Variants in EMC1 observed in about 807,000 individuals in gnomAD.
The protein encoded by EMC1 is ER membrane protein complex subunit 1, also known as KIAA0090.
Under a neutral mutation model 128.8 loss-of-function variants are expected in EMC1, and 103 were observed. The ratio of observed to expected loss-of-function variants is 0.80; its 90% CI spans 0.68 to 0.94. The LOEUF is 0.94. EMC1 is among the 40% of genes least tolerant of loss of function. The probability of loss-of-function intolerance (pLI) is 0.00; values close to 1 mark genes in which losing one functional copy is unlikely to be tolerated. For missense variants in EMC1, 1,083 were observed against 1,250.6 expected (o/e 0.87, Z 2.02); for synonymous variants, 442 against 490.4 (o/e 0.90, Z 1.30).
chr1:19,223,428 C>G lies in EMC1; in HGVS notation c.2344G>C (p.Val782Leu). The G allele has an allele frequency of 6.2e-7, 1 of 1,614,184 alleles. No individual in the cohort carries two copies. Residue 782 changes from valine (V) to leucine (L), a missense_variant, in exon 19 of 23, where the codon GTC becomes CTC. By Grantham distance (32) the Val-to-Leu change is conservative. This residue lies in a region of EMC1 where 527 missense variants were observed against 644.1 expected (regional missense o/e 0.82). Coordinates refer to ENST00000477853, the MANE Select transcript of EMC1 (RefSeq NM_015047.3). The part of the protein sequence containing the change: ...SSVQKKAKGP[V>L]HIVHSENWVV... ...CAGTTCTCTGAATGCACGATATGGACAGGGCCTTTGGCTTTCTTCTGCACA... is the reference window on the plus strand; with the variant it reads ...CAGTTCTCTGAATGCACGATATGGAGAGGGCCTTTGGCTTTCTTCTGCACA...
At position 19,243,997 on chromosome 1, in the gene EMC1, T is replaced by C; in HGVS notation, c.239A>G (p.Lys80Arg). ...ATCCACAGCCCCTTCTGCCGTGCCC[T>C]TGTCAACATGGCGCCACACTGAGAG... ...TGEILWRHVDKGTAEGAVDAM... is the reference protein window; with the variant it reads ...TGEILWRHVDRGTAEGAVDAM... The change falls in exon 3 of 23, where the codon AAG becomes AGG. Residue 80 changes from lysine to arginine, a missense_variant. By Grantham distance (26) the Lys-to-Arg change is conservative. Transcript: ENST00000477853. The C allele has an allele frequency of 6.2e-7, 1 of 1,614,090 alleles. No individual in the cohort carries two copies. The highest frequency in any genetic ancestry group is 8.5e-7 in the Non-Finnish European group (1 of 1,180,016).
chr1:19,240,048 CT>C (rs1404984843), intron 7 of EMC1, 63 bp from the exon 8 acceptor site: 1 of 1,498,252 alleles, frequency 6.7e-7, no homozygotes, highest in African/African-American at 1.4e-5. Flanking sequence ...CCATCCCAGG[CT>C]CACAACCTCT....
chr1:19,222,857 C>T (rs1237021857), intron 19 of EMC1, 23 bp from the exon 20 acceptor site: 25 of 1,568,244 alleles, frequency 1.6e-5, no homozygotes, highest in Non-Finnish European at 2.2e-5. Flanking sequence ...GAGGTGGCAG[C>T]TCAGGGCTTA....
Position 19,238,006 on chromosome 1 carries a change from C to T in EMC1, c.1212+11G>A. The stretch of plus-strand genomic sequence containing the variant: ...CCACAGGACAGTCTGCAAAGAAAGG[C>T]TCTGCCTTACCCGCTCAGGCCGAGT... On this transcript the variant is annotated intron_variant, in intron 11 of 22. Coordinates refer to ENST00000477853, the MANE Select transcript of EMC1 (RefSeq NM_015047.3). 1 of 1,612,564 alleles carries T rather than the reference C, an allele frequency of 6.2e-7. No homozygotes were observed. The highest frequency in any genetic ancestry group is 8.5e-7 in the Non-Finnish European group (1 of 1,179,376).
chr1:19,223,754 C>T (rs2093449968), intron 18 of EMC1, among the ~76,000 whole-genome samples, 185 bp from the exon 19 acceptor site: 1 of 152,178 alleles, frequency 6.6e-6, no homozygotes, highest in Non-Finnish European at 1.5e-5. Context: ...TACTGGGTGC[C>T]ATGCCAGGTA....
intron 21 of EMC1, 107 bp from the exon 22 acceptor site, chr1:19,219,805 A>T (rs2093417654): frequency 7.6e-7 from 1 of 1,311,858 alleles, no homozygotes; most frequent in Non-Finnish European, 1.1e-6. Context: ...TCTAGCCTCA[A>T]ATCTCCTAGG....
Position 19,235,203 on chromosome 1 carries a change from C to T in EMC1, c.1359G>A (p.Val453=), listed in dbSNP as rs751244151. Residue 453 remains valine (V), a synonymous_variant, in exon 13 of 23, where the codon GTG becomes GTA. Coordinates refer to ENST00000477853, the MANE Select transcript of EMC1 (RefSeq NM_015047.3). ...WSREESLAEV[V]CLEMVDLPLT... is the part of the protein sequence containing the mutation. ...GGGGGAGGTCCACCATCTCTAGGCA[C>T]ACCACTTCTGCCAGGGACTCCTCAC... 12 of 1,613,942 alleles carry T rather than the reference C, an allele frequency of 7.4e-6. No individual in the cohort carries two copies. The South Asian group carries it at 1.3e-4, about 18-fold the overall frequency.
At chr1:19,227,041 C>A (rs999741071) in intron 18 of EMC1, among the ~76,000 whole-genome samples, 53 of 150,228 alleles carry the variant, frequency 3.5e-4, no homozygotes, top group African/African-American at 1.0e-3. Context: ...AACAAACAAA[C>A]AAAAAAAAAG....
chr1:19,219,197 G>A lies in EMC1; in HGVS notation c.*106C>T. 2.7e-6 allele frequency: 3 copies of A among 1,107,112 alleles called. No individual in the cohort carries two copies. Among genetic ancestry groups the A allele is most frequent in the African/African-American group, 1.5e-5 (1 of 65,146 alleles). 68.6% of individuals were successfully genotyped at this position (1,107,112 alleles called of 1,614,324 possible). On this transcript the variant is annotated 3_prime_UTR_variant, in exon 23 of 23. Coordinates refer to ENST00000477853, the MANE Select transcript of EMC1 (RefSeq NM_015047.3). The stretch of plus-strand genomic sequence containing the variant: ...CATCTTCCCTACAGTTCTTAGCTGA[G>A]CACTGACACACACACATACTCCACC...
At chr1:19,224,202 C>G (rs561241335) in intron 18 of EMC1, among the ~76,000 whole-genome samples, 27 of 152,314 alleles carry the variant, frequency 1.8e-4, no homozygotes, top group African/African-American at 6.5e-4. Flanking sequence ...GCTCTCAAGC[C>G]TTGAGCATTT....
chr1:19,248,120 T>C (rs1034540952), intron 1 of EMC1, among the ~76,000 whole-genome samples: 19 of 152,068 alleles, frequency 1.2e-4, no homozygotes, highest in African/African-American at 4.3e-4. Context: ...TAAGACAGTA[T>C]GTGGAGGTGG....
At chr1:19,231,213 CA>C (rs1163351161) in intron 16 of EMC1, 47 bp downstream of exon 16, 3 of 1,547,952 alleles carry the variant, frequency 1.9e-6, no homozygotes, top group Non-Finnish European at 2.6e-6. Flanking sequence ...CACCTGGCCC[CA>C]AACCGGACTC....
intron 1 of EMC1, among the ~76,000 whole-genome samples, chr1:19,247,789 C>G (rs774454212): frequency 1.3e-5 from 2 of 152,132 alleles, no homozygotes; most frequent in African/African-American, 4.8e-5. Flanking sequence ...CTTTGGGAGG[C>G]GGAGGCGAGC....
At chr1:19,231,133 G>C (rs938485281) in intron 16 of EMC1, 128 bp downstream of exon 16, 2 of 1,322,966 alleles carry the variant, frequency 1.5e-6, no homozygotes, top group African/African-American at 2.9e-5. Flanking sequence ...ATTTCTCTTC[G>C]GGATGGCCTT....
In EMC1 at chr1:19,239,902, C is replaced by T. The variant is rs1203968629; in HGVS notation, c.870G>A (p.Gln290=). 1 of 1,614,022 alleles carries T rather than the reference C, an allele frequency of 6.2e-7. No homozygotes were observed. Among genetic ancestry groups the T allele is most frequent in the African/African-American group, 1.3e-5 (1 of 74,920 alleles). The change falls in exon 8 of 23, where the codon CAG becomes CAA. Residue 290 remains glutamine, a synonymous_variant. Transcript: ENST00000477853. ...QPNPVDASRA[Q]FFLHLSPSHY... ...GGCTTGGGGACAAGTGCAGGAAGAA[C>T]TGGGCCCGGGAAGCGTCCACTGGGT...
At chr1:19,245,088 G>A in intron 1 of EMC1, 58 bp from the exon 2 acceptor site, 1 of 1,590,406 alleles carries the variant, frequency 6.3e-7, no homozygotes, top group Non-Finnish European at 8.6e-7. Flanking sequence ...TCCACAAAAT[G>A]CTCCGGAAAA....
rs78562527 is a variant in EMC1 at position 19,230,669 on chromosome 1, C to A, written c.2064+175G>T. Among the ~76,000 whole-genome samples, 2,978 of 152,230 alleles carry A rather than the reference C, an allele frequency of 0.02. 41 individuals carry two copies. Among genetic ancestry groups the A allele is most frequent in the South Asian group, 0.053 (255 of 4,816 alleles). On this transcript the variant is annotated intron_variant, in intron 17 of 22. Coordinates refer to ENST00000477853, the MANE Select transcript of EMC1 (RefSeq NM_015047.3). ...TCCACAGCACCTAGAACCGTATCTG[C>A]CATGTAGTAGCTGCCCAACAAATAT...
At chr1:19,230,339 G>A (rs2093510531) in intron 17 of EMC1, among the ~76,000 whole-genome samples, 1 of 152,198 alleles carries the variant, frequency 6.6e-6, no homozygotes, top group Admixed American at 6.5e-5. Flanking sequence ...GGGAGGCTGA[G>A]GCAGGTGGAT....
chr1:19,217,818 AT>A lies in EMC1; in HGVS notation c.*1484del, dbSNP rs950893083. ...GATAGATGCCTGTTTTTTTCTGGAG[AT>A]TCTTAGACATTCAGTCACTCAATAT... On this transcript the variant is annotated 3_prime_UTR_variant, in exon 23 of 23. Transcript: ENST00000477853. 2.6e-5 allele frequency: 4 copies of A among 152,024 alleles called. No homozygotes were observed. Among genetic ancestry groups the A allele is most frequent in the African/African-American group, 9.7e-5 (4 of 41,394 alleles). The allele number at this position is 152,024 out of a possible 1,614,324, so 9.4% of individuals were successfully genotyped here. A position where few individuals can be genotyped will look rare whatever the true frequency, so the allele number is the denominator to read the frequency against.
Sources: gnomAD v4.1 joint callset for allele counts (sites outside exome capture counted in the v4.1 genomes callset) on GRCh38, gnomAD v4.1.1 for gene constraint, gnomAD v4.1.1 regional missense constraint, MANE v1.5 for transcripts, NCBI Gene and HGNC (gene_info 2026-07-23, HGNC 2026-07-21) for gene names.